DAPK1: variants seen among roughly 807,000 people sequenced by gnomAD.
DAPK1 encodes death-associated protein kinase 1.
A neutral mutation model predicts 144.9 loss-of-function variants in DAPK1; 56 were observed. That is an observed-to-expected ratio of 0.39 (90% CI 0.31 to 0.48). DAPK1 has a LOEUF of 0.48. DAPK1 is among the 20% of genes least tolerant of loss of function. The probability of loss-of-function intolerance (pLI) is 0.95; values close to 1 mark genes in which losing one functional copy is unlikely to be tolerated. For synonymous variants in DAPK1, 690 were observed against 749.0 expected (o/e 0.92, Z 1.29); for missense variants, 1,454 against 1,875.4 (o/e 0.78, Z 4.15).
rs989375552 is a variant in DAPK1 at position 87,646,463 on chromosome 9, C to T, written c.1134C>T (p.His378=). The change falls in exon 13 of 26, where the codon CAC becomes CAT. Residue 378 remains histidine, a splice_region_variant and synonymous_variant. Coordinates refer to ENST00000408954, the MANE Select transcript of DAPK1 (RefSeq NM_004938.4). ...AATTTTTTTCTTGCCTATTCTAGCA[C>T]GGGACACCTCCATTACTCATTGCTG... is the stretch of plus-strand genomic sequence containing the variant. ...SNYDVNQPNK[H]GTPPLLIAAG... is the part of the protein sequence containing the mutation. The T allele has an allele frequency of 1.5e-5, 24 of 1,610,882 alleles. No homozygotes were observed. The highest frequency in any genetic ancestry group is 1.3e-4 in the East Asian group (6 of 44,872).
intron 17 of DAPK1, among the ~76,000 whole-genome samples, chr9:87,652,204 C>T (rs1281991521): frequency 2.2e-3 from 163 of 72,922 alleles, no homozygotes; most frequent in African/African-American, 5.4e-3. Flanking sequence ...TCCATCCCCC[C>T]GATCCCGGGT....
chr9:87,571,492 CA>C (rs1827348582), intron 2 of DAPK1, among the ~76,000 whole-genome samples: 5 of 45,226 alleles, frequency 1.1e-4, no homozygotes, highest in African/African-American at 3.2e-4. Context: ...CACACACACA[CA>C]CCCCAACACA....
chr9:87,639,805 A>G lies in DAPK1; in HGVS notation c.619A>G (p.Thr207Ala), dbSNP rs1830033652. 2 of 1,613,356 alleles carry G rather than the reference A, an allele frequency of 1.2e-6. No individual in the cohort carries two copies. The highest frequency in any genetic ancestry group is 1.7e-5 in the Admixed American group (1 of 59,984). ...EADMWSIGVI[T>A]YILLSGASPF... The stretch of plus-strand genomic sequence containing the variant: ...TGTTTTTAGGAGTATCGGGGTAATA[A>G]CCTATATCCTGTAAGTATCAGAATT... The change falls in exon 7 of 26, where the codon ACC (threonine) becomes GCC (alanine). Residue 207 changes from threonine to alanine, a missense_variant. Physicochemically the swap from Thr to Ala is moderately conservative, Grantham distance 58. This residue lies in a region of DAPK1 where 429 missense variants were observed against 637.5 expected (regional missense o/e 0.67). Coordinates refer to ENST00000408954, the MANE Select transcript of DAPK1 (RefSeq NM_004938.4).
At chr9:87,697,237 T>A in intron 22 of DAPK1, 33 bp downstream of exon 22, 1 of 1,005,972 alleles carries the variant, frequency 9.9e-7, no homozygotes. Flanking sequence ...AGTGATGTCC[T>A]ACCTGTGGTT....
At chr9:87,508,187 T>C (rs1824682040) in intron 2 of DAPK1, among the ~76,000 whole-genome samples, 1 of 148,716 alleles carries the variant, frequency 6.7e-6, no homozygotes, top group African/African-American at 2.5e-5. Context: ...AATTTTTGTG[T>C]TTTTAGTAGA....
At chr9:87,632,455 A>T (rs1829730826) in intron 3 of DAPK1, 2 of 981,762 alleles carry the variant, frequency 2.0e-6, no homozygotes, top group Admixed American at 1.2e-4. Flanking sequence ...AAGGAGGATG[A>T]GTATATATAT....
At chr9:87,532,827 T>G (rs1262245086) in intron 2 of DAPK1, among the ~76,000 whole-genome samples, 1 of 152,164 alleles carries the variant, frequency 6.6e-6, no homozygotes, top group East Asian at 1.9e-4. Flanking sequence ...GAACGCCAAT[T>G]TGCCCTCCAC....
intron 2 of DAPK1, among the ~76,000 whole-genome samples, chr9:87,504,196 G>GCTCTCAGATGTTTCCTCTGATAGGAA (rs1470979351): frequency 3.3e-5 from 5 of 152,152 alleles, no homozygotes; most frequent in Non-Finnish European, 5.9e-5. Context: ...GACTCAGAAT[G>GCTCTCAGATGTTTCCTCTGATAGGAA]CTCTCAGATG....
At chr9:87,704,392 G>A (rs982564918) in intron 25 of DAPK1, among the ~76,000 whole-genome samples, 5 of 152,174 alleles carry the variant, frequency 3.3e-5, no homozygotes, top group Non-Finnish European at 7.4e-5. Context: ...GCCCTTGAGA[G>A]TTTAGTAAGT....
chr9:87,654,480 G>A (rs1271822220), intron 17 of DAPK1, among the ~76,000 whole-genome samples: 1 of 152,180 alleles, frequency 6.6e-6, no homozygotes, highest in South Asian at 2.1e-4. Context: ...ATTAACTCAA[G>A]CAGAAATTGA....
chr9:87,510,585 G>T (rs1408286288), intron 2 of DAPK1, among the ~76,000 whole-genome samples: 1 of 152,226 alleles, frequency 6.6e-6, no homozygotes, highest in Non-Finnish European at 1.5e-5. Context: ...GGGGACTTAT[G>T]CGTGGGATTA....
intron 2 of DAPK1, among the ~76,000 whole-genome samples, chr9:87,603,031 T>A (rs1282636799): frequency 1.3e-5 from 2 of 152,132 alleles, no homozygotes; most frequent in Non-Finnish European, 2.9e-5. Context: ...GACAAGTTGC[T>A]TTGGCCATGT....
rs530572887 is a variant in DAPK1, at chr9:87,540,966, C to T, written c.62+41827C>T. On this transcript the variant is annotated intron_variant, in intron 2 of 25. Coordinates refer to ENST00000408954, the MANE Select transcript of DAPK1 (RefSeq NM_004938.4). ...CTGAGTTTTTCTTACCAATCTAAGC[C>T]TCACACAGGAATGAAAGTAATTTGA... 3.3e-5 allele frequency among the ~76,000 whole-genome samples: 5 copies of T among 152,274 alleles called. No individual in the cohort carries two copies. The South Asian group carries it at 8.3e-4, about 25-fold the overall frequency.
rs1360034178 is a variant in DAPK1 at position 87,686,607 on chromosome 9, C to G, written c.2281C>G (p.Arg761Gly). 6.2e-7 allele frequency: 1 copy of G among 1,604,994 alleles called. No individual in the cohort carries two copies. The highest frequency in any genetic ancestry group is 1.1e-5 in the South Asian group (1 of 89,724). Residue 761 changes from arginine to glycine, a missense_variant, in exon 21 of 26, where the codon CGC (arginine) becomes GGC (glycine). Arg to Gly is a moderately radical substitution (Grantham distance 125). Coordinates refer to ENST00000408954, the MANE Select transcript of DAPK1 (RefSeq NM_004938.4). The surrounding 1 kb of genome is among the most constrained non-coding windows in gnomAD (Gnocchi z 4.2). Reference protein sequence around the residue: ...PGCENVSVRSRSMMFEPGLTK... With the variant: ...PGCENVSVRSGSMMFEPGLTK... ...CTGCGAGAACGTGAGTGTGAGGAGC[C>G]GCAGCATGATGTTCGAGCCGGGTCT...
At position 87,706,052 on chromosome 9, in the gene DAPK1, G is replaced by A. The variant is rs745600329; in HGVS notation, c.3061-80G>A. On this transcript the variant is annotated intron_variant, in intron 25 of 25. Transcript: ENST00000408954. The surrounding 1 kb of genome is among the most constrained non-coding windows in gnomAD (Gnocchi z 9.0). Reference sequence around the variant, plus strand: ...TGCTCAGCCTCTGTTGCCGGCATCAGGCCCTTTAGTGCTCTAAGTGGCTGG... The same window carrying A: ...TGCTCAGCCTCTGTTGCCGGCATCAAGCCCTTTAGTGCTCTAAGTGGCTGG... The A allele has an allele frequency of 2.0e-6, 2 of 1,025,188 alleles. No individual in the cohort carries two copies. Among genetic ancestry groups the A allele is most frequent in the Non-Finnish European group, 2.9e-6 (2 of 679,302 alleles). 63.5% of individuals were successfully genotyped at this position (1,025,188 alleles called of 1,614,324 possible).
chr9:87,698,496 C>T lies in DAPK1; in HGVS notation c.2612-160C>T, dbSNP rs1221676228. ...GCCATGCTGGGGCCTTCTAGGGTCA[C>T]AGTGCACAGCAGGCGTGGGGCCTTC... On this transcript the variant is annotated intron_variant, in intron 22 of 25. Transcript: ENST00000408954. The T allele has an allele frequency of 8.0e-6, 5 of 625,760 alleles. No homozygotes were observed. In the East Asian group the frequency reaches 1.0e-4, roughly 13 times the overall value. The allele number at this position is 625,760 out of a possible 1,614,324, so 38.8% of individuals were successfully genotyped here.
At chr9:87,587,262 A>G (rs886421673) in intron 2 of DAPK1, among the ~76,000 whole-genome samples, 1 of 152,242 alleles carries the variant, frequency 6.6e-6, no homozygotes, top group Non-Finnish European at 1.5e-5. Flanking sequence ...ATAACGGAAG[A>G]AAAAATAGAT....
In DAPK1 at chr9:87,598,101, C is replaced by G. The variant is rs1168508134; in HGVS notation, c.63-6853C>G. 3.9e-5 allele frequency among the ~76,000 whole-genome samples: 6 copies of G among 152,144 alleles called. No individual in the cohort carries two copies. In the East Asian group the frequency reaches 1.2e-3, roughly 29 times the overall value. On this transcript the variant is annotated intron_variant, in intron 2 of 25. Coordinates refer to ENST00000408954, the MANE Select transcript of DAPK1 (RefSeq NM_004938.4). The stretch of plus-strand genomic sequence containing the variant: ...AGATGTTAACTCATCCTTGAGAAAC[C>G]GTTTCTGTTCCTCACCCCTTACCTA...
intron 18 of DAPK1, among the ~76,000 whole-genome samples, chr9:87,663,608 C>T (rs897415420): frequency 1.3e-5 from 2 of 152,138 alleles, no homozygotes; most frequent in African/African-American, 2.4e-5. Context: ...TCTCCCTAGG[C>T]CTCTGCTTCC....
Sources: gnomAD v4.1 joint callset for allele counts (sites outside exome capture counted in the v4.1 genomes callset) on GRCh38, gnomAD v4.1.1 for gene constraint, gnomAD v4.1.1 regional missense constraint, Gnocchi (gnomAD v3.1) non-coding constraint, MANE v1.5 for transcripts, NCBI Gene and HGNC (gene_info 2026-07-23, HGNC 2026-07-21) for gene names.